The following XKR6 variants were observed in gnomAD, a reference collection of about 807,000 sequenced individuals.
XKR6 encodes XK-related protein 6.
In XKR6, 22 loss-of-function variants were observed where a neutral mutation model predicts 56.7. The observed-to-expected ratio is 0.39, with a 90% confidence interval of 0.28 to 0.55. The LOEUF (loss-of-function observed/expected upper bound fraction) is 0.55, where lower values mean the gene tolerates loss of function less well. Among genes scored for constraint, XKR6 ranks in the 20% least tolerant of loss-of-function variants. The pLI, the probability that XKR6 is intolerant of heterozygous loss-of-function variation, is 0.66. For missense variants in XKR6, 852 were observed against 889.0 expected (o/e 0.96, Z 0.53); for synonymous variants, 524 against 387.8 (o/e 1.35, Z -4.13).
chr8:11,120,266 T>C (rs1357693328), intron 1 of XKR6, among the ~76,000 whole-genome samples: 1 of 152,206 alleles, frequency 6.6e-6, no homozygotes, highest in East Asian at 1.9e-4. Context: ...GCAGATGACA[T>C]GATTGTATAT....
intron 1 of XKR6, among the ~76,000 whole-genome samples, chr8:10,954,990 T>A (rs1801840046): frequency 6.6e-6 from 1 of 151,298 alleles, no homozygotes; most frequent in Admixed American, 6.6e-5. Context: ...AGCCTCAGTC[T>A]CCCGAGTAGC....
chr8:10,939,988 G>A (rs1310534945), intron 1 of XKR6, among the ~76,000 whole-genome samples: 1 of 152,218 alleles, frequency 6.6e-6, no homozygotes, highest in African/African-American at 2.4e-5. Context: ...GTCAATCCTG[G>A]CTGCACCTGA....
At chr8:11,097,591 C>T (rs949687987) in intron 1 of XKR6, among the ~76,000 whole-genome samples, 5 of 151,650 alleles carry the variant, frequency 3.3e-5, no homozygotes, top group Non-Finnish European at 4.4e-5. Context: ...GCGTATCAAC[C>T]GAGGTCAGGA....
At chr8:10,945,292 T>C (rs4551305) in intron 1 of XKR6, among the ~76,000 whole-genome samples, 44,084 of 152,172 alleles carry the variant, frequency 0.29, 7,589 homozygotes, top group Non-Finnish European at 0.4. Flanking sequence ...GACACCAGCC[T>C]GGTCAACATG....
chr8:11,021,573 C>T (rs1311571252), intron 1 of XKR6, among the ~76,000 whole-genome samples: 1 of 152,146 alleles, frequency 6.6e-6, no homozygotes, highest in Non-Finnish European at 1.5e-5. Context: ...AGACCCAGCT[C>T]AGAGAGCAGT....
At chr8:11,147,155 T>C (rs927354570) in intron 1 of XKR6, among the ~76,000 whole-genome samples, 1 of 152,096 alleles carries the variant, frequency 6.6e-6, no homozygotes, top group African/African-American at 2.4e-5. Flanking sequence ...TGGTAATGGA[T>C]ATGTTTATGC....
At chr8:11,083,040 T>A (rs767689995) in intron 1 of XKR6, among the ~76,000 whole-genome samples, 1 of 152,190 alleles carries the variant, frequency 6.6e-6, no homozygotes, top group Non-Finnish European at 1.5e-5. Flanking sequence ...TGCTTTAGAA[T>A]CCTCCTGCCC....
At chr8:11,095,592 T>C (rs1325113990) in intron 1 of XKR6, among the ~76,000 whole-genome samples, 4 of 152,226 alleles carry the variant, frequency 2.6e-5, no homozygotes, top group African/African-American at 9.7e-5. Flanking sequence ...TGAACAGATG[T>C]ACTGACTGTG....
chr8:11,178,954 C>T (rs145974958), intron 1 of XKR6, among the ~76,000 whole-genome samples: 59 of 151,520 alleles, frequency 3.9e-4, no homozygotes, highest in African/African-American at 1.1e-3. Flanking sequence ...ATAATCTTCC[C>T]GCCTCAGCCT....
intron 1 of XKR6, among the ~76,000 whole-genome samples, chr8:11,003,258 TACA>T (rs1798287539): frequency 6.6e-6 from 1 of 152,148 alleles, no homozygotes; most frequent in African/African-American, 2.4e-5. Flanking sequence ...GAAGAACAAG[TACA>T]ACATCATTGT....
At chr8:11,173,467 G>A (rs1249978200) in intron 1 of XKR6, among the ~76,000 whole-genome samples, 1 of 151,378 alleles carries the variant, frequency 6.6e-6, no homozygotes, top group East Asian at 1.9e-4. Flanking sequence ...CCTACAAGAT[G>A]GCACAGCATC....
chr8:11,089,958 G>A (rs188489547), intron 1 of XKR6, among the ~76,000 whole-genome samples: 3 of 152,218 alleles, frequency 2.0e-5, no homozygotes. Flanking sequence ...GTTTTGTACT[G>A]TAGATATTCT....
chr8:11,101,622 A>C (rs1363714276), intron 1 of XKR6, among the ~76,000 whole-genome samples: 1 of 152,210 alleles, frequency 6.6e-6, no homozygotes, highest in Non-Finnish European at 1.5e-5. Context: ...CACAAGAGCC[A>C]ATGAATTTTC....
intron 1 of XKR6, among the ~76,000 whole-genome samples, chr8:11,070,925 T>A (rs997216245): frequency 6.6e-6 from 1 of 152,140 alleles, no homozygotes; most frequent in Admixed American, 6.5e-5. Flanking sequence ...CAGGTAAGAA[T>A]ATCAAGGAAT....
chr8:10,980,308 C>T (rs1471755281), intron 1 of XKR6, among the ~76,000 whole-genome samples: 1 of 152,140 alleles, frequency 6.6e-6, no homozygotes, highest in Non-Finnish European at 1.5e-5. Context: ...AAGAAAAGCC[C>T]CCTGTGTTCA....
chr8:11,078,426 C>T (rs563637220), intron 1 of XKR6, among the ~76,000 whole-genome samples: 14 of 152,284 alleles, frequency 9.2e-5, no homozygotes, highest in South Asian at 2.1e-4. Context: ...CACCAGGTAC[C>T]GTCTGCCATT....
At chr8:11,158,509 G>C (rs1466430564) in intron 1 of XKR6, among the ~76,000 whole-genome samples, 1 of 152,192 alleles carries the variant, frequency 6.6e-6, no homozygotes, top group Non-Finnish European at 1.5e-5. Context: ...TTCGCCTTGA[G>C]TTTCTTTAGC....
At chr8:10,932,525 C>T (rs1234340873) in intron 1 of XKR6, among the ~76,000 whole-genome samples, 3 of 142,954 alleles carry the variant, frequency 2.1e-5, no homozygotes, top group Admixed American at 1.4e-4. Flanking sequence ...GCTGCACCCA[C>T]TAACTCGTCA....
chr8:11,155,082 G>C (rs1801451185), intron 1 of XKR6, among the ~76,000 whole-genome samples: 1 of 152,176 alleles, frequency 6.6e-6, no homozygotes, highest in African/African-American at 2.4e-5. Flanking sequence ...GTTTCATCCT[G>C]AGGCCCCCAA....
Sources: allele counts gnomAD v4.1 joint callset (sites outside exome capture counted in the v4.1 genomes callset), GRCh38; gene constraint gnomAD v4.1.1; transcripts MANE v1.5; gene names NCBI Gene and HGNC (gene_info 2026-07-23, HGNC 2026-07-21).